ANK2: variants seen among roughly 807,000 people sequenced by gnomAD.
ANK2 encodes ankyrin 2.
Under a neutral mutation model 360.5 loss-of-function variants are expected in ANK2, and 83 were observed. That is an observed-to-expected ratio of 0.23 (90% CI 0.19 to 0.28). The LOEUF is 0.28. Ranked by LOEUF, ANK2 falls within the 10% of genes least tolerant of loss-of-function variation. ANK2 has a pLI of 1.00. For missense variants in ANK2, 4,201 were observed against 4,795.7 expected (o/e 0.88, Z 3.66); for synonymous variants, 1,740 against 1,759.5 (o/e 0.99, Z 0.28).
chr4:113,283,998 T>C (rs115525905), intron 18 of ANK2, among the ~76,000 whole-genome samples: 135 of 152,352 alleles, frequency 8.9e-4, no homozygotes, highest in African/African-American at 3.0e-3. Context: ...TAGTCTATTT[T>C]CTTGTCACTC....
chr4:112,971,675 A>G (rs1233865572), intron 2 of ANK2, among the ~76,000 whole-genome samples: 1 of 152,196 alleles, frequency 6.6e-6, no homozygotes, highest in Non-Finnish European at 1.5e-5. Flanking sequence ...TCAGCAAAGG[A>G]ACATTTTTTC....
the ANK2 span, among the ~76,000 whole-genome samples, chr4:112,775,515 T>TCTCACACACACACA: frequency 9.3e-5 from 11 of 118,156 alleles, no homozygotes; most frequent in East Asian, 2.3e-4. Flanking sequence ...CTAAGCTCCA[T>TCTCACACACACACA]CACACACACA....
At position 113,353,662 on chromosome 4, in the gene ANK2, A is replaced by G. The variant is rs770045430; in HGVS notation, c.5044A>G (p.Ile1682Val). 4.3e-6 allele frequency: 7 copies of G among 1,614,110 alleles called. No homozygotes were observed. The highest frequency in any genetic ancestry group is 5.9e-6 in the Non-Finnish European group (7 of 1,179,990). ...GRSSEKEGKD[I>V]PPDETQSTQK... ...GAGCTCTGAAAAGGAAGGGAAAGACATACCCCCAGATGAGACACAGAGTAC... is the reference window on the plus strand; with the variant it reads ...GAGCTCTGAAAAGGAAGGGAAAGACGTACCCCCAGATGAGACACAGAGTAC... The change falls in exon 38 of 46, where the codon ATA becomes GTA. Residue 1682 changes from isoleucine to valine, a missense_variant. Ile to Val is a conservative substitution (Grantham distance 29, BLOSUM62 3). Coordinates refer to ENST00000357077, the MANE Select transcript of ANK2 (RefSeq NM_001148.6).
At chr4:113,065,923 A>G (rs1399476907) in intron 1 of ANK2, among the ~76,000 whole-genome samples, 2 of 152,166 alleles carry the variant, frequency 1.3e-5, no homozygotes, top group East Asian at 3.8e-4. Context: ...ATGGGGCACT[A>G]TTTTACTATA....
Position 113,175,549 on chromosome 4 carries a change from T to C in ANK2, c.186+1032T>C, listed in dbSNP as rs60575727. On this transcript the variant is annotated intron_variant, in intron 2 of 45. Coordinates refer to ENST00000357077, the MANE Select transcript of ANK2 (RefSeq NM_001148.6). ...CCAGATTACATGAGCTCGGATCACC[T>C]TGTGGTACTTAACAGAGTTGTCATA... Among the ~76,000 whole-genome samples, 1,434 of 152,318 alleles carry C rather than the reference T, an allele frequency of 9.4e-3. 27 individuals carry two copies. The highest frequency in any genetic ancestry group is 0.033 in the African/African-American group (1,361 of 41,564).
chr4:113,185,890 G>A (rs531251011), intron 2 of ANK2, among the ~76,000 whole-genome samples: 1 of 152,144 alleles, frequency 6.6e-6, no homozygotes, highest in South Asian at 2.1e-4. Flanking sequence ...TTTTGATAAG[G>A]TGTAAGGAAG....
In ANK2 at chr4:113,353,901, T is replaced by G; in HGVS notation, c.5283T>G (p.Thr1761=). The change falls in exon 38 of 46, where the codon ACT becomes ACG. Residue 1761 remains threonine, a synonymous_variant. Coordinates refer to ENST00000357077, the MANE Select transcript of ANK2 (RefSeq NM_001148.6). ...VKATSPLIEE[T]PIGSIKDKVK... ...CCACATCTCCTTTGATAGAAGAAAC[T>G]CCCATTGGTTCCATAAAGGACAAAG... is the stretch of plus-strand genomic sequence containing the variant. The G allele has an allele frequency of 6.2e-7, 1 of 1,613,922 alleles. No individual in the cohort carries two copies. Among genetic ancestry groups the G allele is most frequent in the Non-Finnish European group, 8.5e-7 (1 of 1,179,932 alleles).
intron 2 of ANK2, among the ~76,000 whole-genome samples, chr4:112,937,552 T>C (rs1334935660): frequency 1.3e-5 from 2 of 151,856 alleles, no homozygotes; most frequent in Admixed American, 1.3e-4. Context: ...GGTCTCCAAC[T>C]CCTGACCTCA....
At chr4:113,230,946 T>C (rs528459888) in intron 4 of ANK2, among the ~76,000 whole-genome samples, 1 of 152,284 alleles carries the variant, frequency 6.6e-6, no homozygotes, top group South Asian at 2.1e-4. Context: ...TGAGAATGAA[T>C]GATAGAATTT....
At chr4:113,216,414 A>G (rs1437162842) in intron 4 of ANK2, among the ~76,000 whole-genome samples, 3 of 152,206 alleles carry the variant, frequency 2.0e-5, no homozygotes, top group Non-Finnish European at 1.5e-5. Flanking sequence ...TTACATCTAA[A>G]CACCCTGATT....
rs756022108 is a variant in ANK2 at position 113,354,827 on chromosome 4, T to C, written c.6209T>C (p.Val2070Ala). Residue 2070 changes from valine (V) to alanine (A), a missense_variant, in exon 38 of 46, where the codon GTT (valine) becomes GCT (alanine). Transcript: ENST00000357077. ...GTAESKRGVRVSSIGVKKEDA... is the reference protein window; with the variant it reads ...GTAESKRGVRASSIGVKKEDA... ...GCAGAATCCAAAAGAGGAGTTCGTG[T>C]TTCCTCCATAGGAGTTAAGAAAGAA... 5.0e-6 allele frequency: 8 copies of C among 1,613,930 alleles called. No homozygotes were observed. The highest frequency in any genetic ancestry group is 6.8e-6 in the Non-Finnish European group (8 of 1,179,992).
chr4:113,347,215 T>C (rs1293506138), intron 35 of ANK2, among the ~76,000 whole-genome samples: 1 of 152,144 alleles, frequency 6.6e-6, no homozygotes, highest in East Asian at 1.9e-4. Flanking sequence ...TAGCATTAGG[T>C]TTGACATTGT....
chr4:112,824,136 C>CATCTATCT (rs35729539), intron 1 of ANK2, among the ~76,000 whole-genome samples: 8,465 of 147,996 alleles, frequency 0.057, 286 homozygotes, highest in East Asian at 0.13. Context: ...AGGTCTTCAG[C>CATCTATCT]ATCTATCTAT....
chr4:113,342,490 C>T (rs2094409492), intron 33 of ANK2, among the ~76,000 whole-genome samples: 1 of 152,108 alleles, frequency 6.6e-6, no homozygotes, highest in African/African-American at 2.4e-5. Context: ...CATCTGAGGT[C>T]ACCAGTTCGA....
intron 1 of ANK2, among the ~76,000 whole-genome samples, chr4:112,848,813 A>G (rs988783540): frequency 6.6e-5 from 10 of 152,214 alleles, no homozygotes; most frequent in African/African-American, 2.2e-4. Flanking sequence ...TTGAATAGAA[A>G]TAAATTAAAG....
At chr4:112,810,629 G>A in the ANK2 span, among the ~76,000 whole-genome samples, 1 of 152,010 alleles carries the variant, frequency 6.6e-6, no homozygotes, top group Non-Finnish European at 1.5e-5. Context: ...TCAGCTCACC[G>A]CAACCTCTGC....
intron 1 of ANK2, among the ~76,000 whole-genome samples, chr4:113,136,957 C>T (rs540863954): frequency 6.6e-6 from 1 of 152,072 alleles, no homozygotes; most frequent in African/African-American, 2.4e-5. Flanking sequence ...GAGGTTTCAC[C>T]ATGCTGGCCA....
chr4:113,211,548 AT>A (rs1194115266), intron 4 of ANK2, among the ~76,000 whole-genome samples: 2 of 152,194 alleles, frequency 1.3e-5, no homozygotes, highest in Non-Finnish European at 2.9e-5. Flanking sequence ...TGTTTTAACT[AT>A]TTTGAAGACA....
intron 2 of ANK2, among the ~76,000 whole-genome samples, chr4:112,919,961 A>G (rs2091025265): frequency 6.6e-6 from 1 of 152,142 alleles, no homozygotes; most frequent in South Asian, 2.1e-4. Flanking sequence ...TTAGAGTTGA[A>G]TAATAATTTA....
Sources: gnomAD v4.1 joint callset for allele counts (sites outside exome capture counted in the v4.1 genomes callset) on GRCh38, gnomAD v4.1.1 for gene constraint, MANE v1.5 for transcripts, NCBI Gene and HGNC (gene_info 2026-07-23, HGNC 2026-07-21) for gene names.